Variants in ABCA5 observed in about 807,000 individuals in gnomAD.
ABCA5 encodes ATP binding cassette subfamily A member 5.
Under a neutral mutation model 206.0 loss-of-function variants are expected in ABCA5, and 163 were observed. The ratio of observed to expected loss-of-function variants is 0.79; its 90% confidence interval spans 0.70 to 0.90. ABCA5 has a LOEUF of 0.90. Ranked by LOEUF, ABCA5 falls within the 40% of genes least tolerant of loss-of-function variation. The probability of loss-of-function intolerance (pLI) is 0.00; values close to 1 mark genes in which losing one functional copy is unlikely to be tolerated. For missense variants in ABCA5, 1,859 were observed against 1,912.9 expected, an observed-to-expected ratio of 0.97 and a Z score of 0.53; for synonymous variants, 609 against 613.8, an observed-to-expected ratio of 0.99 and a Z score of 0.11.
rs1598140891 is a variant in ABCA5, at chr17:69,246,734, T to C, written c.*803A>G. On this transcript the variant is annotated 3_prime_UTR_variant, in exon 39 of 39. Coordinates refer to ENST00000392676, the MANE Select transcript of ABCA5 (RefSeq NM_172232.4). ...ACAAAAAATTTATATGTTCCAAGAG[T>C]GATGAAGGAAAAGGTATGGCTTAAT... The C allele has an allele frequency of 6.6e-6, 1 of 151,738 alleles. No individual in the cohort carries two copies. The highest frequency in any genetic ancestry group is 1.5e-5 in the Non-Finnish European group (1 of 67,716). 9.4% of individuals were successfully genotyped at this position (151,738 alleles called of 1,614,324 possible).
chr17:69,304,249 T>A (rs2075692530), intron 7 of ABCA5: 1 of 152,474 alleles, frequency 6.6e-6, no homozygotes, highest in African/African-American at 2.4e-5. Flanking sequence ...TCAGCCAATA[T>A]ATCAAATGAA....
Position 69,301,135 on chromosome 17 carries a change from A to G in ABCA5, c.1267+4T>C. 1 of 1,503,814 alleles carries G rather than the reference A, an allele frequency of 6.6e-7. No homozygotes were observed. Among genetic ancestry groups the G allele is most frequent in the Non-Finnish European group, 8.8e-7 (1 of 1,134,272 alleles). 93.2% of individuals were successfully genotyped at this position (1,503,814 alleles called of 1,614,324 possible). On this transcript the variant is annotated splice_donor_region_variant and intron_variant, in intron 9 of 38. Transcript: ENST00000392676. Reference sequence around the variant, plus strand: ...AAAGTAAAATTCAAAAACCATCTGCATACCTGGAATGACTTGATCAAGATA... The same window carrying G: ...AAAGTAAAATTCAAAAACCATCTGCGTACCTGGAATGACTTGATCAAGATA...
rs746111452 is a variant in ABCA5 at position 69,248,343 on chromosome 17, T to C, written c.4766-26A>G. On this transcript the variant is annotated intron_variant, in intron 37 of 38. Coordinates refer to ENST00000392676, the MANE Select transcript of ABCA5 (RefSeq NM_172232.4). ...CTATTAAAATATAAAAATAGTATTT[T>C]ACTTATCAATATCTGAAAAAAATGG... is the stretch of plus-strand genomic sequence containing the variant. 6 of 1,383,578 alleles carry C rather than the reference T, an allele frequency of 4.3e-6. No individual in the cohort carries two copies. In the South Asian group the frequency reaches 5.2e-5, roughly 12 times the overall value. The allele number at this position is 1,383,578 out of a possible 1,614,324, so 85.7% of individuals were successfully genotyped here. A position where few individuals can be genotyped will look rare whatever the true frequency, so the allele number is the denominator to read the frequency against.
intron 18 of ABCA5, 63 bp from the exon 19 acceptor site, chr17:69,277,905 A>C: frequency 1.5e-6 from 2 of 1,302,800 alleles, no homozygotes; most frequent in Non-Finnish European, 2.1e-6. Flanking sequence ...AACTTTCTGA[A>C]GCAGGAACAT....
chr17:69,318,907 A>G (rs9302899), intron 1 of ABCA5: 63,959 of 679,876 alleles, frequency 0.094, 3,324 homozygotes, highest in Non-Finnish European at 0.1. Flanking sequence ...ACAATATTGG[A>G]ATGGTGGTAA....
At chr17:69,294,794 A>C in intron 10 of ABCA5, 81 bp from the exon 11 acceptor site, 1 of 827,478 alleles carries the variant, frequency 1.2e-6, no homozygotes, top group Non-Finnish European at 1.9e-6. Context: ...TATTTTTATC[A>C]ATGCTATCAC....
Position 69,254,430 on chromosome 17 carries a change from C to A in ABCA5, c.4129G>T (p.Gly1377Cys). 6.2e-7 allele frequency: 1 copy of A among 1,613,372 alleles called. No individual in the cohort carries two copies. The highest frequency in any genetic ancestry group is 8.5e-7 in the Non-Finnish European group (1 of 1,179,662). The change falls in exon 32 of 39, where the codon GGT becomes TGT. Residue 1377 changes from glycine (G) to cysteine (C), a missense_variant. Coordinates refer to ENST00000392676, the MANE Select transcript of ABCA5 (RefSeq NM_172232.4). ...AAAGGGTTTATCTGAGGACAGTAAC[C>A]CATACACTTCAGTGAATCATCATCT... ...SEDDDSLKCM[G>C]YCPQINPLWP...
intron 6 of ABCA5, among the ~76,000 whole-genome samples, chr17:69,305,014 A>G (rs1360902907): frequency 6.6e-6 from 1 of 152,196 alleles, no homozygotes; most frequent in African/African-American, 2.4e-5. Flanking sequence ...GTAAAAGTGT[A>G]ATCTGATAAA....
chr17:69,270,334 A>T (rs1205383574), intron 22 of ABCA5, among the ~76,000 whole-genome samples: 3 of 152,028 alleles, frequency 2.0e-5, no homozygotes, highest in Non-Finnish European at 4.4e-5. Context: ...AAAAATATTC[A>T]TTTAAAAATT....
At chr17:69,273,541 C>T (rs374766296) in intron 20 of ABCA5, among the ~76,000 whole-genome samples, 5 of 151,302 alleles carry the variant, frequency 3.3e-5, no homozygotes, top group African/African-American at 9.7e-5. Flanking sequence ...CTGCAACCTC[C>T]GCCTCCCGGG....
intron 36 of ABCA5, 64 bp downstream of exon 36, chr17:69,250,408 A>G: frequency 6.9e-7 from 1 of 1,441,316 alleles, no homozygotes; most frequent in Non-Finnish European, 9.4e-7. Flanking sequence ...TTAATCCTTA[A>G]TATAATAACT....
At chr17:69,267,852 C>A in intron 23 of ABCA5, 91 bp downstream of exon 23, 2 of 574,264 alleles carry the variant, frequency 3.5e-6, no homozygotes, top group African/African-American at 1.9e-5. Flanking sequence ...TCTGAAATAA[C>A]AATTATACTA....
Position 69,313,285 on chromosome 17 carries a change from A to G in ABCA5, c.114T>C (p.Phe38=). The G allele has an allele frequency of 7.3e-7, 1 of 1,370,432 alleles. No homozygotes were observed. The highest frequency in any genetic ancestry group is 1.0e-6 in the Non-Finnish European group (1 of 991,198). The allele number at this position is 1,370,432 out of a possible 1,614,324, so 84.9% of individuals were successfully genotyped here. A position where few individuals can be genotyped will look rare whatever the true frequency, so the allele number is the denominator to read the frequency against. The part of the protein sequence containing the change: ...TKKSSVQEIL[F]PLFFLFWLIL... ...TTAACCAAAATAAAAAAAATAGTGG[A>G]AAAAGAATTTCCTACAATAAAAGAA... Residue 38 remains phenylalanine, a synonymous_variant, in exon 3 of 39, where the codon TTT becomes TTC. Transcript: ENST00000392676.
Position 69,313,179 on chromosome 17 carries a change from G to A in ABCA5, c.220C>T (p.Leu74Phe), listed in dbSNP as rs1474265761. The change falls in exon 3 of 39, where the codon CTT (leucine) becomes TTT (phenylalanine). Residue 74 changes from leucine to phenylalanine, a missense_variant. Physicochemically the swap from Leu to Phe is conservative, Grantham distance 22. Transcript: ENST00000392676. ...GTATATCCAAGAATTAGATTAGAAA[G>A]AGTAAACTTGTCCATAGGATTGAGT... ...IELNPMDKFT[L>F]SNLILGYTPV... is the part of the protein sequence containing the mutation. The A allele has an allele frequency of 5.6e-6, 9 of 1,604,968 alleles. No individual in the cohort carries two copies. The highest frequency in any genetic ancestry group is 7.7e-6 in the Non-Finnish European group (9 of 1,172,486).
rs766448392 is a variant in ABCA5, at chr17:69,313,215, G to A, written c.184C>T (p.Pro62Ser). 5.8e-6 allele frequency: 9 copies of A among 1,553,514 alleles called. 1 individual carries two copies. In the South Asian group the frequency reaches 1.0e-4, roughly 17 times the overall value. The change falls in exon 3 of 39, where the codon CCT becomes TCT. Residue 62 changes from proline (P) to serine (S), a missense_variant. Pro to Ser is a moderately conservative substitution (Grantham distance 74, BLOSUM62 -1). Transcript: ENST00000392676. ...MHPNKKYEEVPNIELNPMDKF... is the reference protein window; with the variant it reads ...MHPNKKYEEVSNIELNPMDKF... The stretch of plus-strand genomic sequence containing the variant: ...TCCATAGGATTGAGTTCTATATTAG[G>A]CACTTCTTCATATTTCTTATTTGGA...
intron 18 of ABCA5, among the ~76,000 whole-genome samples, chr17:69,280,808 C>A (rs927898195): frequency 1.3e-5 from 2 of 152,042 alleles, no homozygotes; most frequent in Non-Finnish European, 2.9e-5. Context: ...ACCGCATATT[C>A]TCACTCATAG....
chr17:69,289,130 C>A, intron 14 of ABCA5, 47 bp downstream of exon 14: 1 of 1,557,144 alleles, frequency 6.4e-7, no homozygotes, highest in Non-Finnish European at 8.7e-7. Context: ...CTTTTTAATT[C>A]GACATAATTT....
At chr17:69,303,050 T>C in intron 7 of ABCA5, 144 bp from the exon 8 acceptor site, 1 of 478,088 alleles carries the variant, frequency 2.1e-6, no homozygotes, top group East Asian at 3.5e-5. Flanking sequence ...AATGCTATGG[T>C]ATTTTATTTT....
Position 69,313,284 on chromosome 17 carries a change from GA to G in ABCA5, c.114del (p.Pro39HisfsTer8). 1.5e-6 allele frequency: 2 copies of G among 1,368,348 alleles called. No individual in the cohort carries two copies. The highest frequency in any genetic ancestry group is 1.3e-5 in the South Asian group (1 of 75,022). 84.8% of individuals were successfully genotyped at this position (1,368,348 alleles called of 1,614,324 possible). A position where few individuals can be genotyped will look rare whatever the true frequency, so the allele number is the denominator to read the frequency against. ...TKKSSVQEIL[F>X]PLFFLFWLIL... ...ATTAACCAAAATAAAAAAAATAGTG[GA>G]AAAAGAATTTCCTACAATAAAAGAA... On this transcript the variant is annotated frameshift_variant, in exon 3 of 39. Coordinates refer to ENST00000392676, the MANE Select transcript of ABCA5 (RefSeq NM_172232.4). LOFTEE classifies it high-confidence loss of function.
Sources: allele counts gnomAD v4.1 joint callset (sites outside exome capture counted in the v4.1 genomes callset), GRCh38; gene constraint gnomAD v4.1.1; transcripts MANE v1.5; gene names NCBI Gene and HGNC (gene_info 2026-07-23, HGNC 2026-07-21).